CNTNAP2: variants seen among roughly 807,000 people sequenced by gnomAD.
The protein encoded by CNTNAP2 is contactin associated protein 2.
In CNTNAP2, 98 loss-of-function variants were observed where a neutral mutation model predicts 155.2. The observed-to-expected ratio is 0.63, with a 90% CI of 0.54 to 0.75. The LOEUF (loss-of-function observed/expected upper bound fraction) is 0.75. CNTNAP2 is among the 30% of genes least tolerant of loss of function. The pLI is 0.00. For missense variants in CNTNAP2, 1,727 were observed against 1,688.1 expected, an observed-to-expected ratio of 1.02 and a Z score of -0.40; for synonymous variants, 651 against 631.2, an observed-to-expected ratio of 1.03 and a Z score of -0.47.
chr7:146,611,708 ACT>A (rs1396301063), intron 1 of CNTNAP2, among the ~76,000 whole-genome samples: 2 of 151,874 alleles, frequency 1.3e-5, no homozygotes, highest in South Asian at 2.1e-4. Context: ...CCTTATTAAA[ACT>A]CTGCAAGGGA....
intron 1 of CNTNAP2, among the ~76,000 whole-genome samples, chr7:146,298,987 T>G (rs186581828): frequency 1.3e-5 from 2 of 152,230 alleles, no homozygotes; most frequent in African/African-American, 4.8e-5. Context: ...TTAAAAGAAA[T>G]AATACGGCCA....
intron 1 of CNTNAP2, among the ~76,000 whole-genome samples, chr7:146,388,626 A>C (rs2129106183): frequency 6.6e-6 from 1 of 152,218 alleles, no homozygotes; most frequent in African/African-American, 2.4e-5. Context: ...ACACTCTGTA[A>C]GTTATTTAAA....
chr7:147,422,918 A>G (rs915916894), intron 10 of CNTNAP2, among the ~76,000 whole-genome samples: 1 of 152,206 alleles, frequency 6.6e-6, no homozygotes, highest in East Asian at 1.9e-4. Flanking sequence ...TTTTTTATAT[A>G]TAACTTTACT....
chr7:146,279,429 A>AACACACACACAC (rs60178387), intron 1 of CNTNAP2, among the ~76,000 whole-genome samples: 3 of 144,610 alleles, frequency 2.1e-5, no homozygotes, highest in African/African-American at 7.5e-5. Flanking sequence ...CATTTCCTTA[A>AACACACACACAC]ACACACACAC....
At chr7:146,182,864 A>G (rs1201965915) in intron 1 of CNTNAP2, among the ~76,000 whole-genome samples, 1 of 152,006 alleles carries the variant, frequency 6.6e-6, no homozygotes, top group East Asian at 1.9e-4. Context: ...ACCACTTCCT[A>G]ATATGCTGTA....
chr7:148,114,028 C>T (rs1563203593), intron 15 of CNTNAP2, among the ~76,000 whole-genome samples: 1 of 152,232 alleles, frequency 6.6e-6, no homozygotes. Flanking sequence ...ACTCTCTTTG[C>T]CATATAGTGA....
chr7:147,529,784 G>T (rs941598115), intron 11 of CNTNAP2, among the ~76,000 whole-genome samples: 1 of 152,112 alleles, frequency 6.6e-6, no homozygotes, highest in Admixed American at 6.5e-5. Flanking sequence ...TGCATTTATC[G>T]CTATCAACAG....
intron 1 of CNTNAP2, among the ~76,000 whole-genome samples, chr7:146,174,873 C>G (rs1798447665): frequency 6.6e-6 from 1 of 151,970 alleles, no homozygotes; most frequent in African/African-American, 2.4e-5. Context: ...AAAGAAAGCA[C>G]CCAGAGGAGG....
In CNTNAP2 at chr7:147,599,114, C is replaced by T. The variant is rs774356151; in HGVS notation, c.1897+36857C>T. ...GTTGTAAAAACTTCTCCACTGCTTCCGTCTTTTGCCTAGAACATAGAACAG... is the reference window on the plus strand; with the variant it reads ...GTTGTAAAAACTTCTCCACTGCTTCTGTCTTTTGCCTAGAACATAGAACAG... On this transcript the variant is annotated intron_variant, in intron 12 of 23. Coordinates refer to ENST00000361727, the MANE Select transcript of CNTNAP2 (RefSeq NM_014141.6). Among the ~76,000 whole-genome samples, 8 of 152,050 alleles carry T rather than the reference C, an allele frequency of 5.3e-5. 1 individual carries two copies. The highest frequency in any genetic ancestry group is 1.4e-4 in the African/African-American group (6 of 41,424).
At chr7:147,384,162 A>G (rs139684446) in intron 9 of CNTNAP2, among the ~76,000 whole-genome samples, 54 of 152,314 alleles carry the variant, frequency 3.5e-4, no homozygotes, top group Non-Finnish European at 6.3e-4. Context: ...CATGGTGACC[A>G]AGGATAGACA....
At chr7:148,146,859 A>G (rs1309632471) in intron 16 of CNTNAP2, among the ~76,000 whole-genome samples, 2 of 152,214 alleles carry the variant, frequency 1.3e-5, no homozygotes, top group South Asian at 4.1e-4. Flanking sequence ...AGGGTCCCCA[A>G]CTTTCAAAAG....
intron 15 of CNTNAP2, among the ~76,000 whole-genome samples, chr7:148,098,516 T>C (rs1380608989): frequency 2.3e-5 from 3 of 129,898 alleles, no homozygotes; most frequent in South Asian, 2.4e-4. Flanking sequence ...GAGAATAGAA[T>C]TGGATGATTT....
At chr7:147,396,921 G>A (rs1796826187) in intron 10 of CNTNAP2, among the ~76,000 whole-genome samples, 1 of 151,906 alleles carries the variant, frequency 6.6e-6, no homozygotes, top group South Asian at 2.1e-4. Context: ...TAGACCATAA[G>A]TCTTTAACAA....
Position 148,268,541 on chromosome 7 carries a change from G to A in CNTNAP2, c.3475+1415G>A, listed in dbSNP as rs138074882. 6.2e-3 allele frequency among the ~76,000 whole-genome samples: 947 copies of A among 152,154 alleles called. 4 individuals are homozygous for A. The highest frequency in any genetic ancestry group is 0.041 in the Middle Eastern group (12 of 294). ...GTGGTGGTGGGCGTCTGTAGTCCCA[G>A]CTACTTGGGAGGCTGAGGCAGGAGA... On this transcript the variant is annotated intron_variant, in intron 21 of 23. Transcript: ENST00000361727.
chr7:146,210,570 C>T lies in CNTNAP2; in HGVS notation c.97+93597C>T, dbSNP rs546111092. On this transcript the variant is annotated intron_variant, in intron 1 of 23. Coordinates refer to ENST00000361727, the MANE Select transcript of CNTNAP2 (RefSeq NM_014141.6). ...CTGCCTGCCTTAGCCTCCCGAAGTGCTGGAATTACAGGTGTGAGCCGTTGT... is the reference window on the plus strand; with the variant it reads ...CTGCCTGCCTTAGCCTCCCGAAGTGTTGGAATTACAGGTGTGAGCCGTTGT... 3.3e-5 allele frequency among the ~76,000 whole-genome samples: 5 copies of T among 152,260 alleles called. No individual in the cohort carries two copies. The East Asian group carries it at 9.7e-4, about 29-fold the overall frequency.
chr7:147,262,202 A>G (rs572376940), intron 8 of CNTNAP2, among the ~76,000 whole-genome samples: 40 of 152,336 alleles, frequency 2.6e-4, no homozygotes, highest in African/African-American at 9.6e-4. Flanking sequence ...GGATTTTACA[A>G]CACACTTTGA....
intron 9 of CNTNAP2, among the ~76,000 whole-genome samples, chr7:147,390,241 T>C (rs1278988764): frequency 6.6e-6 from 1 of 152,194 alleles, no homozygotes; most frequent in Admixed American, 6.5e-5. Context: ...TTCACAGGTG[T>C]GAGTAATCTT....
chr7:146,915,530 C>G (rs1796375072), intron 3 of CNTNAP2, among the ~76,000 whole-genome samples: 1 of 152,002 alleles, frequency 6.6e-6, no homozygotes, highest in Non-Finnish European at 1.5e-5. Context: ...TCTTTCACCT[C>G]CTTGATTAAG....
intron 3 of CNTNAP2, among the ~76,000 whole-genome samples, chr7:147,025,729 A>G (rs1798906016): frequency 6.6e-6 from 1 of 152,030 alleles, no homozygotes; most frequent in Non-Finnish European, 1.5e-5. Flanking sequence ...TCAAACTTAC[A>G]GATTATTATG....
Sources: allele counts gnomAD v4.1 joint callset (sites outside exome capture counted in the v4.1 genomes callset), GRCh38; gene constraint gnomAD v4.1.1; transcripts MANE v1.5; gene names NCBI Gene and HGNC (gene_info 2026-07-23, HGNC 2026-07-21).